MYT1L: variants seen among roughly 807,000 people sequenced by gnomAD.
MYT1L encodes the protein myelin transcription factor 1 like.
In MYT1L, 12 loss-of-function variants were observed where a neutral mutation model predicts 126.7. The observed-to-expected ratio is 0.09, with a 90% confidence interval of 0.06 to 0.15. The LOEUF is 0.15. MYT1L is among the 10% of genes least tolerant of loss of function. The probability of loss-of-function intolerance (pLI) is 1.00; values close to 1 mark genes in which losing one functional copy is unlikely to be tolerated. For synonymous variants in MYT1L, 541 were observed against 604.2 expected (o/e 0.90, Z 1.53); for missense variants, 979 against 1,585.2 (o/e 0.62, Z 6.49).
chr2:2,234,894 G>T (rs1038192890), intron 2 of MYT1L, among the ~76,000 whole-genome samples: 2 of 152,136 alleles, frequency 1.3e-5, no homozygotes, highest in Admixed American at 1.3e-4. Context: ...GCACTCCCCC[G>T]ATGCTCACGC....
chr2:1,821,111 T>G (rs1325751862), intron 21 of MYT1L, among the ~76,000 whole-genome samples: 1 of 152,178 alleles, frequency 6.6e-6, no homozygotes, highest in Non-Finnish European at 1.5e-5. Flanking sequence ...GCTTCTCAGG[T>G]AGAGCCCCGG....
At chr2:1,930,951 A>G (rs189092908) in intron 9 of MYT1L, among the ~76,000 whole-genome samples, 1 of 152,356 alleles carries the variant, frequency 6.6e-6, no homozygotes, top group East Asian at 1.9e-4. Context: ...ATCTTCCCGC[A>G]CTGCATACAC....
chr2:2,167,982 TAAC>T (rs1483389940), intron 3 of MYT1L, among the ~76,000 whole-genome samples: 1 of 151,926 alleles, frequency 6.6e-6, no homozygotes, highest in African/African-American at 2.4e-5. Context: ...ATAATTCACT[TAAC>T]AATGCATTTT....
At chr2:2,301,394 CTT>C (rs1338711089) in intron 1 of MYT1L, among the ~76,000 whole-genome samples, 2 of 152,208 alleles carry the variant, frequency 1.3e-5, no homozygotes, top group African/African-American at 4.8e-5. Context: ...TTTTTCATCA[CTT>C]TATTAGAAAG....
chr2:1,951,870 C>A (rs772342579), intron 8 of MYT1L, among the ~76,000 whole-genome samples: 1 of 152,168 alleles, frequency 6.6e-6, no homozygotes, highest in Non-Finnish European at 1.5e-5. Flanking sequence ...TACTCTTATA[C>A]GTTTCTAGAA....
At chr2:1,954,590 C>G (rs994790137) in intron 8 of MYT1L, among the ~76,000 whole-genome samples, 1 of 152,048 alleles carries the variant, frequency 6.6e-6, no homozygotes, top group Non-Finnish European at 1.5e-5. Context: ...CAGCAACCAC[C>G]GGGACAACAT....
intron 1 of MYT1L, among the ~76,000 whole-genome samples, chr2:2,316,933 C>T (rs1000614333): frequency 3.9e-5 from 6 of 152,008 alleles, no homozygotes; most frequent in African/African-American, 1.5e-4. Context: ...GCCTCAGCCT[C>T]CCAAGTAGCT....
At chr2:2,147,105 A>G (rs1216431653) in intron 3 of MYT1L, among the ~76,000 whole-genome samples, 2 of 152,230 alleles carry the variant, frequency 1.3e-5, no homozygotes, top group African/African-American at 4.8e-5. Context: ...AGCTGCTAGC[A>G]GGCTTGAAAA....
intron 3 of MYT1L, among the ~76,000 whole-genome samples, chr2:2,065,870 A>G (rs1458788391): frequency 6.6e-6 from 1 of 151,636 alleles, no homozygotes; most frequent in Non-Finnish European, 1.5e-5. Flanking sequence ...ACACACACAC[A>G]GAGCATCTAG....
intron 3 of MYT1L, among the ~76,000 whole-genome samples, chr2:2,088,727 G>A (rs567573822): frequency 8.5e-5 from 13 of 152,164 alleles, no homozygotes; most frequent in East Asian, 7.7e-4. Context: ...CCAAAGAGAC[G>A]CCATGCTTCT....
intron 4 of MYT1L, among the ~76,000 whole-genome samples, chr2:2,008,065 C>T (rs2063494523): frequency 6.6e-6 from 1 of 152,162 alleles, no homozygotes; most frequent in South Asian, 2.1e-4. Flanking sequence ...TTTTGCATGT[C>T]TGACACCCAT....
intron 14 of MYT1L, among the ~76,000 whole-genome samples, chr2:1,892,491 CTTT>C (rs1219589079): frequency 6.7e-6 from 1 of 149,366 alleles, no homozygotes; most frequent in Non-Finnish European, 1.5e-5. Context: ...CTTTTTTCTT[CTTT>C]TTTCCTTTTT....
chr2:2,009,898 GTTTTT>G (rs147372422), intron 4 of MYT1L, among the ~76,000 whole-genome samples: 1 of 114,290 alleles, frequency 8.7e-6, no homozygotes, highest in Non-Finnish European at 1.8e-5. Flanking sequence ...ACTGTTAAGA[GTTTTT>G]TTTTTTTTTT....
intron 9 of MYT1L, among the ~76,000 whole-genome samples, chr2:1,931,655 G>A (rs576843806): frequency 6.6e-6 from 1 of 152,258 alleles, no homozygotes; most frequent in Admixed American, 6.5e-5. Flanking sequence ...CATTTTGTGT[G>A]TGTTGTTCTC....
intron 3 of MYT1L, among the ~76,000 whole-genome samples, chr2:2,172,190 A>G (rs2090142069): frequency 6.6e-6 from 1 of 152,128 alleles, no homozygotes; most frequent in South Asian, 2.1e-4. Flanking sequence ...AGCAGCCACT[A>G]GGTATGCGCC....
At chr2:2,095,533 C>T (rs1045622459) in intron 3 of MYT1L, among the ~76,000 whole-genome samples, 8 of 152,176 alleles carry the variant, frequency 5.3e-5, no homozygotes, top group African/African-American at 1.9e-4. Context: ...ATCAGGGGAG[C>T]TATCCTGCGA....
chr2:2,081,498 A>G (rs539579290), intron 3 of MYT1L, among the ~76,000 whole-genome samples: 21 of 152,316 alleles, frequency 1.4e-4, no homozygotes, highest in Non-Finnish European at 2.5e-4. Flanking sequence ...ATGGCTCTCA[A>G]AGTAAATTAA....
At chr2:2,074,884 T>C (rs1691804908) in intron 3 of MYT1L, among the ~76,000 whole-genome samples, 2 of 152,230 alleles carry the variant, frequency 1.3e-5, no homozygotes, top group African/African-American at 2.4e-5. Context: ...AGCTCACATT[T>C]ACTGAGGGCT....
At chr2:2,324,221 C>G (rs529448886) in intron 1 of MYT1L, 1 of 152,170 alleles carries the variant, frequency 6.6e-6, no homozygotes, top group African/African-American at 2.4e-5. Flanking sequence ...CAAAGTCGTC[C>G]CAATGAATTA....
Sources: gnomAD v4.1 joint callset for allele counts (sites outside exome capture counted in the v4.1 genomes callset) on GRCh38, gnomAD v4.1.1 for gene constraint, MANE v1.5 for transcripts, NCBI Gene and HGNC (gene_info 2026-07-23, HGNC 2026-07-21) for gene names.